The following CHST11 variants were observed in gnomAD, a reference collection of about 807,000 sequenced individuals.
CHST11 encodes C4S-1.
In CHST11, 9 loss-of-function variants were observed where a neutral mutation model predicts 30.4. That is an observed-to-expected ratio of 0.30 (90% CI 0.18 to 0.52). The LOEUF (loss-of-function observed/expected upper bound fraction) is 0.52, where lower values mean the gene tolerates loss of function less well. CHST11 is among the 20% of genes least tolerant of loss of function. The pLI, the probability that CHST11 is intolerant of heterozygous loss-of-function variation, is 0.97. For synonymous variants in CHST11, 152 were observed against 187.8 expected, an observed-to-expected ratio of 0.81 and a Z score of 1.56; for missense variants, 348 against 460.6, an observed-to-expected ratio of 0.76 and a Z score of 2.24.
chr12:104,488,080 C>T (rs961230313), intron 1 of CHST11, among the ~76,000 whole-genome samples: 3 of 151,984 alleles, frequency 2.0e-5, no homozygotes, highest in African/African-American at 7.2e-5. Flanking sequence ...GGTTTAAAAT[C>T]CTGGCAAACT....
intron 1 of CHST11, among the ~76,000 whole-genome samples, chr12:104,462,588 C>T (rs959128830): frequency 2.0e-5 from 3 of 152,064 alleles, no homozygotes; most frequent in East Asian, 1.9e-4. Flanking sequence ...TTTGCTTATA[C>T]ATGGAATAGT....
intron 1 of CHST11, among the ~76,000 whole-genome samples, chr12:104,467,412 A>T (rs2037470143): frequency 6.6e-6 from 1 of 152,170 alleles, no homozygotes; most frequent in Non-Finnish European, 1.5e-5. Flanking sequence ...GAACTCCAGG[A>T]CTAGACCTGC....
At chr12:104,539,922 C>T (rs1156920158) in intron 1 of CHST11, among the ~76,000 whole-genome samples, 1 of 152,176 alleles carries the variant, frequency 6.6e-6, no homozygotes, top group African/African-American at 2.4e-5. Context: ...AGTCCTCCCA[C>T]CTCAGCCTCC....
At chr12:104,560,410 A>AC (rs2038501847) in intron 1 of CHST11, among the ~76,000 whole-genome samples, 1 of 152,120 alleles carries the variant, frequency 6.6e-6, no homozygotes, top group Non-Finnish European at 1.5e-5. Flanking sequence ...TGGTTGAGCC[A>AC]TGGGGGGGTT....
intron 2 of CHST11, among the ~76,000 whole-genome samples, chr12:104,630,627 C>T (rs10507180): frequency 0.31 from 46,645 of 152,012 alleles, 8,025 homozygotes; most frequent in East Asian, 0.53. Flanking sequence ...CTCCACCAGG[C>T]GAAAATGGGC....
intron 2 of CHST11, among the ~76,000 whole-genome samples, chr12:104,715,534 G>A (rs2040123938): frequency 1.3e-5 from 2 of 152,202 alleles, no homozygotes. Flanking sequence ...CAGCGATACG[G>A]AGGTACTATT....
chr12:104,551,274 A>G (rs2038401690), intron 1 of CHST11, among the ~76,000 whole-genome samples: 1 of 152,216 alleles, frequency 6.6e-6, no homozygotes, highest in Non-Finnish European at 1.5e-5. Flanking sequence ...ATTAAGACCC[A>G]GAAGGAGGTG....
intron 2 of CHST11, among the ~76,000 whole-genome samples, chr12:104,642,146 A>G (rs1428562968): frequency 6.6e-6 from 1 of 152,160 alleles, no homozygotes; most frequent in African/African-American, 2.4e-5. Flanking sequence ...TACTCATCTC[A>G]GTATTGTTCA....
intron 2 of CHST11, among the ~76,000 whole-genome samples, chr12:104,602,501 A>G (rs2136047533): frequency 6.6e-6 from 1 of 152,352 alleles, no homozygotes; most frequent in African/African-American, 2.4e-5. Context: ...TGAGGCAGCA[A>G]ACGTGGCCTC....
At chr12:104,710,310 C>A (rs915505819) in intron 2 of CHST11, among the ~76,000 whole-genome samples, 2 of 152,212 alleles carry the variant, frequency 1.3e-5, no homozygotes, top group African/African-American at 2.4e-5. Flanking sequence ...CACAAAAATT[C>A]TTGCACCGCT....
chr12:104,505,869 G>C (rs2037899628), intron 1 of CHST11, among the ~76,000 whole-genome samples: 1 of 152,154 alleles, frequency 6.6e-6, no homozygotes, highest in South Asian at 2.1e-4. Context: ...AAAAAAATAA[G>C]ATGAGGTGGG....
intron 2 of CHST11, among the ~76,000 whole-genome samples, chr12:104,678,033 T>C (rs1278644196): frequency 1.3e-5 from 2 of 152,260 alleles, no homozygotes. Flanking sequence ...TTCTCCAACC[T>C]TCCAGGCACT....
chr12:104,590,642 C>T (rs746494522), intron 1 of CHST11, among the ~76,000 whole-genome samples: 3 of 152,256 alleles, frequency 2.0e-5, no homozygotes, highest in East Asian at 3.9e-4. Context: ...ATATGGCAGG[C>T]GGGGCGCAGT....
At chr12:104,654,482 G>A (rs2039523934) in intron 2 of CHST11, among the ~76,000 whole-genome samples, 1 of 152,288 alleles carries the variant, frequency 6.6e-6, no homozygotes, top group South Asian at 2.1e-4. Flanking sequence ...GTGCAGTGAG[G>A]ACAGTGCAGT....
chr12:104,605,152 CAAAAA>C (rs3039180), intron 2 of CHST11, among the ~76,000 whole-genome samples: 3 of 93,514 alleles, frequency 3.2e-5, no homozygotes, highest in Admixed American at 1.2e-4. Flanking sequence ...ATCCCCTCTC[CAAAAA>C]AAAAAAAAAA....
chr12:104,630,250 A>T (rs191183079), intron 2 of CHST11, among the ~76,000 whole-genome samples: 1 of 152,190 alleles, frequency 6.6e-6, no homozygotes, highest in Admixed American at 6.5e-5. Context: ...CACCAGGACC[A>T]TCTTAGAATT....
rs1025500534 is a variant in CHST11 at position 104,659,399 on chromosome 12, C to T, written c.204+57408C>T. On this transcript the variant is annotated intron_variant, in intron 2 of 2. Transcript: ENST00000303694. The stretch of plus-strand genomic sequence containing the variant: ...ACTTCTCCGTATCTCTAAGAGCTTC[C>T]GGGGATCTCCAAGAGCCATCACTGC... 1.1e-4 allele frequency among the ~76,000 whole-genome samples: 17 copies of T among 152,174 alleles called. No individual in the cohort carries two copies. In the East Asian group the frequency reaches 2.3e-3, roughly 21 times the overall value.
At chr12:104,595,940 A>G (rs188234417) in intron 1 of CHST11, among the ~76,000 whole-genome samples, 3 of 152,322 alleles carry the variant, frequency 2.0e-5, no homozygotes, top group Admixed American at 2.0e-4. Context: ...ACTTGGTTTT[A>G]GCACTCAAAG....
intron 1 of CHST11, among the ~76,000 whole-genome samples, chr12:104,564,013 G>T (rs185613639): frequency 6.6e-6 from 1 of 152,248 alleles, no homozygotes; most frequent in East Asian, 1.9e-4. Flanking sequence ...AGTTATTTGA[G>T]ATCTACGTGG....
Sources: allele counts gnomAD v4.1 joint callset (sites outside exome capture counted in the v4.1 genomes callset), GRCh38; gene constraint gnomAD v4.1.1; transcripts MANE v1.5; gene names NCBI Gene and HGNC (gene_info 2026-07-23, HGNC 2026-07-21).